The following FBN1 variants were observed in gnomAD, a reference collection of about 807,000 sequenced individuals.
FBN1 encodes the protein fibrillin 1, also known as fibrillin-1.
A neutral mutation model predicts 365.1 loss-of-function variants in FBN1; 29 were observed. The observed-to-expected ratio is 0.08, with a 90% CI of 0.06 to 0.11. FBN1 has a LOEUF of 0.11. FBN1 is among the 10% of genes least tolerant of loss of function. FBN1 has a pLI of 1.00. For missense variants in FBN1, 2,476 were observed against 3,703.2 expected (o/e 0.67, Z 8.60); for synonymous variants, 1,210 against 1,270.5 (o/e 0.95, Z 1.01).
At chr15:48,427,132 T>C (rs552251130) in intron 58 of FBN1, among the ~76,000 whole-genome samples, 5 of 152,318 alleles carry the variant, frequency 3.3e-5, no homozygotes, top group East Asian at 1.9e-4. Context: ...CCAGATGCAA[T>C]TGTGTCTAAT....
intron 8 of FBN1, among the ~76,000 whole-genome samples, chr15:48,530,566 T>G (rs2043961759): frequency 6.6e-6 from 1 of 151,728 alleles, no homozygotes; most frequent in Non-Finnish European, 1.5e-5. Context: ...AGAGATTTTT[T>G]TTTTTTTCAA....
rs1459946201 is a variant in FBN1 at position 48,420,699 on chromosome 15, T to C, written c.7807A>G (p.Asn2603Asp). Residue 2603 changes from asparagine to aspartate, a missense_variant, in exon 63 of 66, where the codon AAC becomes GAC. Physicochemically the swap from Asn to Asp is conservative, Grantham distance 23. This residue lies in a region of FBN1 where 1,780 missense variants were observed against 2,840.8 expected (regional missense o/e 0.63). Coordinates refer to ENST00000316623, the MANE Select transcript of FBN1 (RefSeq NM_000138.5). ...PQGYLQHYQW[N>D]QCVDENECLS... is the part of the protein sequence containing the mutation. The stretch of plus-strand genomic sequence containing the variant: ...AAAAGTTACTTGCCAACACACTGGT[T>C]CCACTGGTAGTGCTGGAGGTAGCCC... 1 of 1,614,004 alleles carries C rather than the reference T, an allele frequency of 6.2e-7. No individual in the cohort carries two copies. Among genetic ancestry groups the C allele is most frequent in the East Asian group, 2.2e-5 (1 of 44,890 alleles).
At chr15:48,599,359 A>C (rs1167028877) in intron 5 of FBN1, among the ~76,000 whole-genome samples, 1 of 152,162 alleles carries the variant, frequency 6.6e-6, no homozygotes, top group African/African-American at 2.4e-5. Context: ...ACTTTGAATA[A>C]AGTATTAAGT....
chr15:48,597,055 C>T (rs2044521709), intron 5 of FBN1, among the ~76,000 whole-genome samples: 1 of 152,170 alleles, frequency 6.6e-6, no homozygotes, highest in Admixed American at 6.5e-5. Flanking sequence ...TAGGCATCTT[C>T]GTCATGCGTG....
intron 6 of FBN1, among the ~76,000 whole-genome samples, chr15:48,549,111 C>A (rs901698617): frequency 2.0e-5 from 3 of 152,190 alleles, no homozygotes; most frequent in South Asian, 4.1e-4. Flanking sequence ...AGTAGTTGTA[C>A]GGCTAAAAGT....
intron 2 of FBN1, chr15:48,640,904 T>C (rs944062306): frequency 1.1e-4 from 16 of 152,210 alleles, no homozygotes; most frequent in African/African-American, 3.9e-4. Flanking sequence ...AGTTTTTTTT[T>C]TTTGGACTGT....
intron 60 of FBN1, 64 bp downstream of exon 60, chr15:48,425,305 C>T (rs2042970430): frequency 1.2e-6 from 2 of 1,612,120 alleles, no homozygotes; most frequent in Non-Finnish European, 1.7e-6. Flanking sequence ...GGAGTTCTTA[C>T]AGGCAAAGGA....
chr15:48,522,217 G>C (rs562930783), intron 9 of FBN1, among the ~76,000 whole-genome samples: 13 of 152,174 alleles, frequency 8.5e-5, no homozygotes, highest in African/African-American at 3.1e-4. Flanking sequence ...ATTATGGTGA[G>C]TTGTATAATT....
At position 48,487,090 on chromosome 15, in the gene FBN1, T is replaced by C. The variant is rs2043513994; in HGVS notation, c.3574A>G (p.Arg1192Gly). 2 of 1,612,386 alleles carry C rather than the reference T, an allele frequency of 1.2e-6. No individual in the cohort carries two copies. The highest frequency in any genetic ancestry group is 1.7e-6 in the Non-Finnish European group (2 of 1,179,218). Reference sequence around the variant, plus strand: ...AAGAACTTACCAACACAAAATAGCCTATCGGGAGTTGAATGGTAGCCAGGG... The same window carrying C: ...AAGAACTTACCAACACAAAATAGCCCATCGGGAGTTGAATGGTAGCCAGGG... ...CNPGYHSTPD[R>G]LFCVDIDECS... The change falls in exon 29 of 66, where the codon AGG (arginine) becomes GGG (glycine). Residue 1192 changes from arginine to glycine, a missense_variant. Physicochemically the swap from Arg to Gly is moderately radical, Grantham distance 125 (BLOSUM62 -2). Transcript: ENST00000316623.
At chr15:48,636,428 A>G (rs1408611434) in intron 2 of FBN1, among the ~76,000 whole-genome samples, 1 of 152,170 alleles carries the variant, frequency 6.6e-6, no homozygotes, top group Non-Finnish European at 1.5e-5. Context: ...TGTGGGATTA[A>G]CACATGTGAC....
At chr15:48,644,520 C>A (rs1289917149) in intron 2 of FBN1, 86 bp downstream of exon 2, 3 of 1,596,352 alleles carry the variant, frequency 1.9e-6, no homozygotes, top group Admixed American at 3.3e-5. Flanking sequence ...GCCAAGGAGT[C>A]TTCCACAGGG....
chr15:48,453,315 A>G (rs1266077983), intron 44 of FBN1, among the ~76,000 whole-genome samples: 2 of 142,592 alleles, frequency 1.4e-5, no homozygotes, highest in African/African-American at 5.3e-5. Flanking sequence ...CACACACAAA[A>G]AAAAAGGAAA....
Position 48,430,698 on chromosome 15 carries a change from G to A in FBN1, c.6844C>T (p.Arg2282Trp), listed in dbSNP as rs765205164. ...ACACAGCCTTCTCCATCAGGTCTCC[G>A]CTGATACCCGGGTCCACAGATGCAC... ...YMCICGPGYQ[R>W]RPDGEGCVDE... The change falls in exon 56 of 66, where the codon CGG becomes TGG. Residue 2282 changes from arginine to tryptophan, a missense_variant. Physicochemically the swap from Arg to Trp is moderately radical, Grantham distance 101 (BLOSUM62 -3). Transcript: ENST00000316623. The A allele has an allele frequency of 2.5e-6, 4 of 1,613,838 alleles. No individual in the cohort carries two copies. The highest frequency in any genetic ancestry group is 2.2e-5 in the East Asian group (1 of 44,878).
At chr15:48,532,789 C>T (rs149262347) in intron 8 of FBN1, among the ~76,000 whole-genome samples, 1 of 152,288 alleles carries the variant, frequency 6.6e-6, no homozygotes, top group East Asian at 1.9e-4. Flanking sequence ...TTCTAAAATA[C>T]ATTGGCCTAT....
At chr15:48,483,704 T>C in intron 31 of FBN1, 114 bp downstream of exon 31, 1 of 1,246,482 alleles carries the variant, frequency 8.0e-7, no homozygotes, top group Non-Finnish European at 1.2e-6. Context: ...TGCCTCTAAA[T>C]ATCCTTACTT....
intron 58 of FBN1, among the ~76,000 whole-genome samples, chr15:48,426,436 C>T (rs1163919178): frequency 6.6e-6 from 1 of 152,088 alleles, no homozygotes. Context: ...CTAACCAGGG[C>T]TCTGAGGTGG....
intron 2 of FBN1, among the ~76,000 whole-genome samples, chr15:48,619,521 T>C (rs1304571977): frequency 6.6e-6 from 1 of 152,024 alleles, no homozygotes; most frequent in Non-Finnish European, 1.5e-5. Context: ...GTCTCTTTTC[T>C]TCTCTCTTCA....
intron 6 of FBN1, among the ~76,000 whole-genome samples, chr15:48,574,075 C>G (rs1235043048): frequency 1.3e-5 from 2 of 152,182 alleles, no homozygotes; most frequent in African/African-American, 4.8e-5. Flanking sequence ...TGGCACTGGC[C>G]TAATTACCTT....
chr15:48,551,907 G>C (rs2044145292), intron 6 of FBN1, among the ~76,000 whole-genome samples: 1 of 152,156 alleles, frequency 6.6e-6, no homozygotes, highest in South Asian at 2.1e-4. Flanking sequence ...CGGTCTCATT[G>C]ATGGACAGTT....
Sources: gnomAD v4.1 joint callset for allele counts (sites outside exome capture counted in the v4.1 genomes callset) on GRCh38, gnomAD v4.1.1 for gene constraint, gnomAD v4.1.1 regional missense constraint, MANE v1.5 for transcripts, NCBI Gene and HGNC (gene_info 2026-07-23, HGNC 2026-07-21) for gene names.